The following ASTN2 variants were observed in gnomAD, a reference collection of about 807,000 sequenced individuals.
ASTN2 encodes astrotactin-2.
Under a neutral mutation model 139.8 loss-of-function variants are expected in ASTN2, and 54 were observed. That is an observed-to-expected ratio of 0.39 (90% CI 0.31 to 0.48). The LOEUF is 0.48. ASTN2 is among the 20% of genes least tolerant of loss of function. The probability of loss-of-function intolerance (pLI) is 0.95; values close to 1 mark genes in which losing one functional copy is unlikely to be tolerated. For synonymous variants in ASTN2, 756 were observed against 719.5 expected, an observed-to-expected ratio of 1.05 and a Z score of -0.81; for missense variants, 1,565 against 1,725.1, an observed-to-expected ratio of 0.91 and a Z score of 1.64.
chr9:117,030,804 A>T (rs1588495432), intron 6 of ASTN2, among the ~76,000 whole-genome samples: 1 of 152,090 alleles, frequency 6.6e-6, no homozygotes, highest in Non-Finnish European at 1.5e-5. Context: ...CACAGCTCCC[A>T]GCCATTGCCG....
chr9:116,698,683 C>G lies in ASTN2; in HGVS notation c.2806+27088G>C, dbSNP rs781563722. 1 of 1,614,180 alleles carries G rather than the reference C, an allele frequency of 6.2e-7. No individual in the cohort carries two copies. Among genetic ancestry groups the G allele is most frequent in the Non-Finnish European group, 8.5e-7 (1 of 1,180,038 alleles). ...TCCTGGGCCATGGAGGCCACAGCGT[C>G]TGCTGCCTCTACCTCTGTTACTTTT... On this transcript the variant is annotated intron_variant, in intron 16 of 22. Coordinates refer to ENST00000313400, the MANE Select transcript of ASTN2 (RefSeq NM_001365068.1). This position sits in a 1 kb window ranked among gnomAD's most constrained non-coding sequence, Gnocchi z 4.4.
At chr9:116,928,630 G>T (rs1834820725) in intron 10 of ASTN2, among the ~76,000 whole-genome samples, 1 of 151,874 alleles carries the variant, frequency 6.6e-6, no homozygotes. Context: ...GAGAAATGAA[G>T]GGGAAGAAAG....
At chr9:117,253,997 A>G (rs1833612602) in intron 2 of ASTN2, among the ~76,000 whole-genome samples, 1 of 152,162 alleles carries the variant, frequency 6.6e-6, no homozygotes, top group African/African-American at 2.4e-5. Context: ...AGCCCTGAAC[A>G]GCATCCCGAC....
intron 4 of ASTN2, among the ~76,000 whole-genome samples, chr9:117,121,401 G>T (rs1318004383): frequency 6.6e-6 from 1 of 152,178 alleles, no homozygotes; most frequent in East Asian, 1.9e-4. Context: ...AACATCCCTT[G>T]CAAAATAAAG....
At chr9:116,446,249 GGAGAGGGA>G (rs1456513711) in intron 20 of ASTN2, among the ~76,000 whole-genome samples, 2 of 105,552 alleles carry the variant, frequency 1.9e-5, no homozygotes, top group Non-Finnish European at 3.9e-5. Context: ...GAGACAGAGG[GGAGAGGGA>G]GAGAGAGAGA....
At chr9:117,333,189 TG>T (rs1334631499) in intron 1 of ASTN2, among the ~76,000 whole-genome samples, 2 of 151,444 alleles carry the variant, frequency 1.3e-5, no homozygotes, top group African/African-American at 4.9e-5. Flanking sequence ...AACCCATGCC[TG>T]GAAGGCTCCC....
intron 2 of ASTN2, among the ~76,000 whole-genome samples, chr9:117,260,448 G>A (rs553972135): frequency 1.6e-4 from 25 of 152,218 alleles, no homozygotes; most frequent in Admixed American, 5.2e-4. Context: ...TTCAGTTCCC[G>A]TCCTCACTTC....
At chr9:116,964,268 C>CGCGT (rs1835953664) in intron 10 of ASTN2, among the ~76,000 whole-genome samples, 8 of 146,226 alleles carry the variant, frequency 5.5e-5, no homozygotes, top group African/African-American at 2.0e-4. Flanking sequence ...CGCGCGCGCG[C>CGCGT]GTGTGTGTTG....
intron 20 of ASTN2, among the ~76,000 whole-genome samples, chr9:116,450,645 C>T (rs1317878163): frequency 2.6e-5 from 4 of 152,106 alleles, no homozygotes; most frequent in Non-Finnish European, 5.9e-5. Flanking sequence ...CCAAACTTCC[C>T]CCCAGCTGAG....
intron 5 of ASTN2, among the ~76,000 whole-genome samples, chr9:117,095,604 G>A (rs561254342): frequency 1.3e-5 from 2 of 152,234 alleles, no homozygotes; most frequent in South Asian, 2.1e-4. Context: ...TTCTGAGTAT[G>A]TTTCCCTTCA....
chr9:117,208,308 C>A (rs1371220850), intron 3 of ASTN2, among the ~76,000 whole-genome samples: 3 of 151,204 alleles, frequency 2.0e-5, no homozygotes. Context: ...GAGATAGATA[C>A]CATAAAAAAG....
At chr9:117,060,459 AGGAAGGAAGGAAGGAAGGAAG>A (rs1839242441) in intron 5 of ASTN2, among the ~76,000 whole-genome samples, 102 of 88,618 alleles carry the variant, frequency 1.2e-3, no homozygotes, top group South Asian at 4.3e-3. Flanking sequence ...AAAGAAAGAA[AGGAAGGAAGGAAGGAAGGAAG>A]GAAGGAATGA....
At chr9:116,733,653 G>C in intron 13 of ASTN2, 130 bp from the exon 14 acceptor site, 1 of 1,204,324 alleles carries the variant, frequency 8.3e-7, no homozygotes, top group South Asian at 1.4e-5. Flanking sequence ...AATGCCTCTG[G>C]TTTCCTGAAT....
Position 117,291,393 on chromosome 9 carries a change from G to A in ASTN2, c.563C>T (p.Ala188Val), listed in dbSNP as rs1834588189. The A allele has an allele frequency of 6.2e-7, 1 of 1,614,238 alleles. No individual in the cohort carries two copies. Among genetic ancestry groups the A allele is most frequent in the Non-Finnish European group, 8.5e-7 (1 of 1,180,032 alleles). Reference protein sequence around the residue: ...SSSGQLAQATAPTLQEPSEIV... With the variant: ...SSSGQLAQATVPTLQEPSEIV... ...CTCCGAGGGCTCCTGGAGAGTGGGGGCGGTGGCTTGGGCCAGCTGCCCGGA... is the reference window on the plus strand; with the variant it reads ...CTCCGAGGGCTCCTGGAGAGTGGGGACGGTGGCTTGGGCCAGCTGCCCGGA... The change falls in exon 2 of 23, where the codon GCC becomes GTC. Residue 188 changes from alanine (A) to valine (V), a missense_variant. By Grantham distance (64) the Ala-to-Val change is moderately conservative. This residue lies in a region of ASTN2 where 596 missense variants were observed against 576.8 expected (regional missense o/e 1.03). Coordinates refer to ENST00000313400, the MANE Select transcript of ASTN2 (RefSeq NM_001365068.1).
chr9:116,669,893 C>T (rs1289423918), intron 16 of ASTN2, among the ~76,000 whole-genome samples: 1 of 151,720 alleles, frequency 6.6e-6, no homozygotes, highest in East Asian at 1.9e-4. Context: ...GCAACCTCAA[C>T]CTCTTGGGTT....
chr9:116,484,804 C>T (rs1235239232), intron 20 of ASTN2, among the ~76,000 whole-genome samples: 1 of 152,146 alleles, frequency 6.6e-6, no homozygotes, highest in Admixed American at 6.5e-5. Flanking sequence ...GGGGTGGTGT[C>T]AGGCAGTGAG....
intron 1 of ASTN2, among the ~76,000 whole-genome samples, chr9:117,339,877 T>C (rs1321698184): frequency 1.3e-5 from 2 of 148,270 alleles, no homozygotes; most frequent in Non-Finnish European, 3.0e-5. Flanking sequence ...AATGCACCGA[T>C]CTGTTAAGCC....
intron 17 of ASTN2, among the ~76,000 whole-genome samples, chr9:116,641,967 GCTAGATT>G (rs1359915137): frequency 6.6e-6 from 1 of 151,864 alleles, no homozygotes; most frequent in East Asian, 1.9e-4. Context: ...GAAGGTTTAA[GCTAGATT>G]ATAGGAAGTA....
At chr9:116,977,547 T>C (rs2132528444) in intron 7 of ASTN2, among the ~76,000 whole-genome samples, 1 of 152,224 alleles carries the variant, frequency 6.6e-6, no homozygotes, top group East Asian at 1.9e-4. Flanking sequence ...CTGCCTTAAG[T>C]ATATTCTCTC....
Sources: allele counts gnomAD v4.1 joint callset (sites outside exome capture counted in the v4.1 genomes callset), GRCh38; gene constraint gnomAD v4.1.1; regional missense constraint gnomAD v4.1.1; non-coding constraint Gnocchi (gnomAD v3.1); transcripts MANE v1.5; gene names NCBI Gene and HGNC (gene_info 2026-07-23, HGNC 2026-07-21).